The following LRP4 variants were observed in gnomAD, a reference collection of about 807,000 sequenced individuals.
LRP4 encodes LDL receptor related protein 4, also known as low-density lipoprotein receptor-related protein 4.
Under a neutral mutation model 220.3 loss-of-function variants are expected in LRP4, and 95 were observed. The ratio of observed to expected loss-of-function variants is 0.43; its 90% CI spans 0.37 to 0.51. The LOEUF is 0.51. Among genes scored for constraint, LRP4 ranks in the 20% least tolerant of loss-of-function variants. The probability of loss-of-function intolerance (pLI) is 0.00; values close to 1 mark genes in which losing one functional copy is unlikely to be tolerated. For synonymous variants in LRP4, 903 were observed against 954.6 expected (o/e 0.95, Z 1.00); for missense variants, 1,925 against 2,567.0 (o/e 0.75, Z 5.40).
At position 46,879,231 on chromosome 11, in the gene LRP4, T is replaced by G. The variant is rs781238429; in HGVS notation, c.2899A>C (p.Ser967Arg). ...RIYWTDWQTK[S>R]IQSADRLTGL... is the part of the protein sequence containing the mutation. ...GTCAGCCGGTCAGCGCTCTGTATGC[T>G]CTTGGTCTGCCAGTCAGTCCAATAG... Residue 967 changes from serine (S) to arginine (R), a missense_variant, in exon 21 of 38, where the codon AGC becomes CGC. Transcript: ENST00000378623. 5.0e-6 allele frequency: 8 copies of G among 1,614,120 alleles called. No homozygotes were observed. Among genetic ancestry groups the G allele is most frequent in the Non-Finnish European group, 6.8e-6 (8 of 1,180,060 alleles).
Position 46,879,184 on chromosome 11 carries a change from CAG to C in LRP4, c.2944_2945del (p.Leu982AlafsTer32). ...DRLTGLDRET[L>X]QENLENLMDI... ...CCATTAGGTTTTCCAGGTTCTCCTG[CAG>C]AGTCTCCCGGTCCAGCCCTGTCAGC... On this transcript the variant is annotated frameshift_variant, in exon 21 of 38. Transcript: ENST00000378623. LOFTEE classifies it high-confidence loss of function. The C allele has an allele frequency of 6.2e-7, 1 of 1,614,224 alleles. No homozygotes were observed. Among genetic ancestry groups the C allele is most frequent in the Non-Finnish European group, 8.5e-7 (1 of 1,180,044 alleles).
rs765567296 is a variant in LRP4 at position 46,899,387 on chromosome 11, G to A, written c.547C>T (p.Pro183Ser). 32 of 1,611,742 alleles carry A rather than the reference G, an allele frequency of 2.0e-5. No homozygotes were observed. The East Asian group carries it at 2.2e-4, about 11-fold the overall frequency. The stretch of plus-strand genomic sequence containing the variant: ...CAGCCTGAGGTCTGGGGCCACTCAC[G>A]ACAGTTCTCCTCATCGGAGCCATCT... ...CKDGSDEENC[P>S]SAVPAPPCNL... The change falls in exon 5 of 38, where the codon CCC (proline) becomes TCC (serine). Residue 183 changes from proline to serine, a missense_variant and splice_region_variant. Pro to Ser is a moderately conservative substitution (Grantham distance 74). This residue lies in a region of LRP4 where 412 missense variants were observed against 505.4 expected (regional missense o/e 0.82). Coordinates refer to ENST00000378623, the MANE Select transcript of LRP4 (RefSeq NM_002334.4). This position sits in a 1 kb window ranked among gnomAD's most constrained non-coding sequence, Gnocchi z 5.9.
Position 46,873,759 on chromosome 11 carries a change from A to C in LRP4, c.4230-166T>G. 1 of 590,192 alleles carries C rather than the reference A, an allele frequency of 1.7e-6. No homozygotes were observed. Among genetic ancestry groups the C allele is most frequent in the Non-Finnish European group, 3.0e-6 (1 of 333,768 alleles). The allele number at this position is 590,192 out of a possible 1,614,324, so 36.6% of individuals were successfully genotyped here. ...CAGCACCCAGCATGATAGATGTTCA[A>C]TAAAATAATTGCAGAATGAAGGAAC... On this transcript the variant is annotated intron_variant, in intron 28 of 37. Coordinates refer to ENST00000378623, the MANE Select transcript of LRP4 (RefSeq NM_002334.4). The surrounding 1 kb of genome is among the most constrained non-coding windows in gnomAD (Gnocchi z 4.2).
chr11:46,882,301 G>A (rs1941179930), intron 19 of LRP4, among the ~76,000 whole-genome samples: 1 of 151,568 alleles, frequency 6.6e-6, no homozygotes, highest in South Asian at 2.1e-4. Context: ...GGGCAACATA[G>A]TAGGATCCCA....
rs1262243208 is a variant in LRP4, at chr11:46,876,485, C to T, written c.3517G>A (p.Val1173Ile). The change falls in exon 25 of 38, where the codon GTA (valine) becomes ATA (isoleucine). Residue 1173 changes from valine (V) to isoleucine (I), a missense_variant. By Grantham distance (29) the Val-to-Ile change is conservative. Around this residue, in one of 3 missense-constraint regions of LRP4, gnomAD observed 1,244 missense variants for 1,624.9 expected, o/e 0.77. Coordinates refer to ENST00000378623, the MANE Select transcript of LRP4 (RefSeq NM_002334.4). ...TCTCACCCCATCTCATGGTACAGTA[C>T]GATGGCCCGGGGACTGTCAAGGTTC... ...WQNLDSPRAI[V>I]LYHEMGFMYW... 5.0e-6 allele frequency: 8 copies of T among 1,614,182 alleles called. No homozygotes were observed. Among genetic ancestry groups the T allele is most frequent in the East Asian group, 2.2e-5 (1 of 44,872 alleles).
chr11:46,860,717 C>T (rs1004324409), intron 37 of LRP4, among the ~76,000 whole-genome samples: 20 of 152,184 alleles, frequency 1.3e-4, no homozygotes, highest in Admixed American at 6.5e-5. Flanking sequence ...GAGTGACAGT[C>T]CCCTCAGCCA....
intron 12 of LRP4, 95 bp downstream of exon 12, chr11:46,894,494 G>T: frequency 2.2e-6 from 2 of 909,874 alleles, no homozygotes; most frequent in Admixed American, 2.0e-5. Context: ...AAGATGTCCT[G>T]CTGCCTAAGG....
At chr11:46,913,302 G>A (rs890166677) in intron 1 of LRP4, among the ~76,000 whole-genome samples, 3 of 152,192 alleles carry the variant, frequency 2.0e-5, no homozygotes, top group Admixed American at 6.5e-5. Context: ...GCAGACAACC[G>A]TCAGGAAGCT....
chr11:46,859,320 GGTGGAGA>G lies in LRP4; in HGVS notation c.5386-12_5386-6del. ...GTAGTTATGGTCAGGCCCTCCCTAGGGTGGAGAGTGGGCAGATATGGTCAGTCAGTTG... is the reference window on the plus strand; with the variant it reads ...GTAGTTATGGTCAGGCCCTCCCTAGGGTGGGCAGATATGGTCAGTCAGTTG... On this transcript the variant is annotated splice_polypyrimidine_tract_variant and splice_region_variant and intron_variant, in intron 37 of 37. Coordinates refer to ENST00000378623, the MANE Select transcript of LRP4 (RefSeq NM_002334.4). 6.2e-7 allele frequency: 1 copy of G among 1,607,124 alleles called. No homozygotes were observed. Among genetic ancestry groups the G allele is most frequent in the Non-Finnish European group, 8.5e-7 (1 of 1,173,802 alleles).
chr11:46,916,536 T>C (rs1165693322), intron 1 of LRP4, among the ~76,000 whole-genome samples: 3 of 140,024 alleles, frequency 2.1e-5, no homozygotes, highest in Non-Finnish European at 3.1e-5. Context: ...CTCCCCCCAT[T>C]CTCACCCCCA....
chr11:46,895,207 C>G lies in LRP4; in HGVS notation c.1268G>C (p.Gly423Ala). Residue 423 changes from glycine to alanine, a missense_variant, in exon 11 of 38, where the codon GGC (glycine) becomes GCC (alanine). Gly to Ala is a moderately conservative substitution (Grantham distance 60, BLOSUM62 0). This residue lies in a region of LRP4 where 269 missense variants were observed against 436.7 expected (regional missense o/e 0.62). Coordinates refer to ENST00000378623, the MANE Select transcript of LRP4 (RefSeq NM_002334.4). ...GCGCCGGTCGGGCCGTAGTTCATAG[C>G]CTGTTTCACACCAGCATTGGAAAGC... ...EGAFQCWCET[G>A]YELRPDRRSC... The G allele has an allele frequency of 6.2e-7, 1 of 1,614,124 alleles. No individual in the cohort carries two copies. Among genetic ancestry groups the G allele is most frequent in the South Asian group, 1.1e-5 (1 of 91,090 alleles).
Position 46,877,316 on chromosome 11 carries a change from C to T in LRP4, c.3160G>A (p.Ala1054Thr), listed in dbSNP as rs1010986881. 6.2e-6 allele frequency: 10 copies of T among 1,613,826 alleles called. No individual in the cohort carries two copies. The highest frequency in any genetic ancestry group is 8.5e-6 in the Non-Finnish European group (10 of 1,179,988). ...SPGMNSFLIF[A>T]RRIDIRMVSL... The stretch of plus-strand genomic sequence containing the variant: ...ACCATGCGAATGTCTATCCTCCTGG[C>T]GAAGATGAGGAAACTGTTCATGCCT... The change falls in exon 23 of 38, where the codon GCC becomes ACC. Residue 1054 changes from alanine (A) to threonine (T), a missense_variant. Around this residue, in one of 3 missense-constraint regions of LRP4, gnomAD observed 1,244 missense variants for 1,624.9 expected, o/e 0.77. Transcript: ENST00000378623.
chr11:46,867,927 G>A, intron 34 of LRP4, 52 bp downstream of exon 34: 1 of 1,612,396 alleles, frequency 6.2e-7, no homozygotes. Flanking sequence ...AGTTGGTCAT[G>A]GGATGGTGAT....
In LRP4 at chr11:46,890,450, G is replaced by T. The variant is rs1478658144; in HGVS notation, c.1742C>A (p.Ala581Asp). Residue 581 changes from alanine (A) to aspartate (D), a missense_variant, in exon 14 of 38, where the codon GCC becomes GAC. Ala to Asp is a moderately radical substitution (Grantham distance 126, BLOSUM62 -2). Coordinates refer to ENST00000378623, the MANE Select transcript of LRP4 (RefSeq NM_002334.4). This position sits in a 1 kb window ranked among gnomAD's most constrained non-coding sequence, Gnocchi z 5.3. Reference protein sequence around the residue: ...TDWGNTPRIEASSMDGSGRRI... With the variant: ...TDWGNTPRIEDSSMDGSGRRI... The stretch of plus-strand genomic sequence containing the variant: ...GCGTCCAGAGCCATCCATGCTGGAG[G>T]CCTCAATACGGGGGGTGTTGCCCCA... 1.9e-6 allele frequency: 3 copies of T among 1,614,046 alleles called. No individual in the cohort carries two copies. In the Admixed American group the frequency reaches 5.0e-5, roughly 27 times the overall value.
At position 46,874,975 on chromosome 11, in the gene LRP4, G is replaced by A. The variant is rs1172217709; in HGVS notation, c.4054C>T (p.Pro1352Ser). The A allele has an allele frequency of 1.2e-6, 2 of 1,614,202 alleles. No homozygotes were observed. The highest frequency in any genetic ancestry group is 1.7e-6 in the Non-Finnish European group (2 of 1,180,038). The change falls in exon 28 of 38, where the codon CCT becomes TCT. Residue 1352 changes from proline to serine, a missense_variant. Physicochemically the swap from Pro to Ser is moderately conservative, Grantham distance 74. Coordinates refer to ENST00000378623, the MANE Select transcript of LRP4 (RefSeq NM_002334.4). ...CTGGAGAAGAGCAGGTAGGTCTCAG[G>A]AGAGGGATCACAGGTCTTCCCATCT... ...KGDGKTCDPS[P>S]ETYLLFSSRG...
intron 11 of LRP4, 101 bp downstream of exon 11, chr11:46,895,065 G>T: frequency 6.5e-7 from 1 of 1,540,530 alleles, no homozygotes. Flanking sequence ...TACTGTGACA[G>T]AAATCTCTCT....
At chr11:46,876,285 TG>T (rs1941013127) in intron 25 of LRP4, among the ~76,000 whole-genome samples, 180 bp downstream of exon 25, 2 of 151,590 alleles carry the variant, frequency 1.3e-5, no homozygotes, top group Non-Finnish European at 1.5e-5. Context: ...TCAAGGCTCA[TG>T]CTTTTAACTT....
In LRP4 at chr11:46,878,879, C is replaced by T. The variant is rs781400775; in HGVS notation, c.3136+28G>A. The stretch of plus-strand genomic sequence containing the variant: ...CCATTGCCCCCTCCCAGAGAGGCTG[C>T]ATCTAGATCTGTGATGCTTTCACTC... On this transcript the variant is annotated intron_variant, in intron 22 of 37. Coordinates refer to ENST00000378623, the MANE Select transcript of LRP4 (RefSeq NM_002334.4). 7.4e-6 allele frequency: 12 copies of T among 1,613,748 alleles called. No homozygotes were observed. The South Asian group carries it at 1.2e-4, about 16-fold the overall frequency.
intron 23 of LRP4, 135 bp downstream of exon 23, chr11:46,877,064 C>A: frequency 9.3e-7 from 1 of 1,076,636 alleles, no homozygotes; most frequent in Non-Finnish European, 1.4e-6. Flanking sequence ...GAGACAGGGA[C>A]AGGGGCTATG....
Sources: gnomAD v4.1 joint callset for allele counts (sites outside exome capture counted in the v4.1 genomes callset) on GRCh38, gnomAD v4.1.1 for gene constraint, gnomAD v4.1.1 regional missense constraint, Gnocchi (gnomAD v3.1) non-coding constraint, MANE v1.5 for transcripts, NCBI Gene and HGNC (gene_info 2026-07-23, HGNC 2026-07-21) for gene names.